PIP5K1A: variants seen among roughly 807,000 people sequenced by gnomAD.
PIP5K1A encodes the protein phosphatidylinositol 4-phosphate 5-kinase type-1 alpha.
PIP5K1A carries 46 observed loss-of-function variants against 72.9 expected under a neutral mutation model. The observed-to-expected ratio is 0.63, with a 90% CI of 0.50 to 0.81. PIP5K1A has a LOEUF of 0.81. Ranked by LOEUF, PIP5K1A falls within the 30% of genes least tolerant of loss-of-function variation. PIP5K1A has a pLI of 0.00. For synonymous variants in PIP5K1A, 228 were observed against 255.1 expected, an observed-to-expected ratio of 0.89 and a Z score of 1.01; for missense variants, 458 against 706.1, an observed-to-expected ratio of 0.65 and a Z score of 3.98.
chr1:151,238,320 C>T (rs1691172466), intron 10 of PIP5K1A, 55 bp downstream of exon 10: 13 of 1,141,418 alleles, frequency 1.1e-5, no homozygotes, highest in South Asian at 2.5e-5. Flanking sequence ...TAACCAGTCA[C>T]GTTTCTCTTT....
At chr1:151,227,977 T>C (rs1040416891) in intron 4 of PIP5K1A, among the ~76,000 whole-genome samples, 1 of 152,192 alleles carries the variant, frequency 6.6e-6, no homozygotes, top group Non-Finnish European at 1.5e-5. Context: ...GGTATAAATA[T>C]GTAACAAGGC....
At chr1:151,239,608 A>G (rs1416152248) in intron 11 of PIP5K1A, among the ~76,000 whole-genome samples, 2 of 151,882 alleles carry the variant, frequency 1.3e-5, no homozygotes, top group African/African-American at 4.8e-5. Context: ...GCTCACTTCA[A>G]CCTCCATCTC....
chr1:151,218,787 C>G (rs1205424376), intron 1 of PIP5K1A, among the ~76,000 whole-genome samples: 2 of 133,892 alleles, frequency 1.5e-5, no homozygotes, highest in Admixed American at 8.4e-5. Flanking sequence ...GAGCTGAGAT[C>G]ACACTACTGC....
intron 10 of PIP5K1A, 45 bp from the exon 11 acceptor site, chr1:151,239,085 T>A: frequency 7.0e-7 from 1 of 1,428,744 alleles, no homozygotes. Flanking sequence ...TTAAGGTCAT[T>A]TATTTAAAAA....
chr1:151,241,123 A>G (rs1167202446), intron 12 of PIP5K1A, among the ~76,000 whole-genome samples: 2 of 152,006 alleles, frequency 1.3e-5, no homozygotes, highest in East Asian at 1.9e-4. Context: ...AGATAGTGCC[A>G]TTGCACTCCA....
At chr1:151,208,464 G>A (rs587695341) in intron 1 of PIP5K1A, among the ~76,000 whole-genome samples, 76 of 149,470 alleles carry the variant, frequency 5.1e-4, no homozygotes, top group African/African-American at 1.8e-3. Context: ...GCTTTCAAGC[G>A]ATTCCCCTGC....
At chr1:151,246,120 G>A (rs767700981) in intron 14 of PIP5K1A, among the ~76,000 whole-genome samples, 7 of 152,178 alleles carry the variant, frequency 4.6e-5, no homozygotes, top group Non-Finnish European at 1.0e-4. Flanking sequence ...GGTGATTTGT[G>A]CCTATAATCC....
chr1:151,206,022 C>G (rs1383846145), intron 1 of PIP5K1A, among the ~76,000 whole-genome samples: 1 of 152,084 alleles, frequency 6.6e-6, no homozygotes, highest in African/African-American at 2.4e-5. Context: ...CCCGTTTCCC[C>G]TATTGCACCT....
chr1:151,197,687 A>G (rs1040163987), upstream of PIP5K1A, among the ~76,000 whole-genome samples: 18 of 152,124 alleles, frequency 1.2e-4, no homozygotes, highest in African/African-American at 4.3e-4. Context: ...TATTCATTCC[A>G]CAGATAATTA....
At position 151,198,755 on chromosome 1, in the gene PIP5K1A, A is replaced by C. The variant is rs587622305; in HGVS notation, c.-242A>C. ...TGAAAGGGGAAAGTATCCCCTGTGGAAAGCGGTTAAACTTGTGGAGGGGGT... is the reference window on the plus strand; with the variant it reads ...TGAAAGGGGAAAGTATCCCCTGTGGCAAGCGGTTAAACTTGTGGAGGGGGT... On this transcript the variant is annotated 5_prime_UTR_variant, in exon 1 of 16. Coordinates refer to ENST00000368888, the MANE Select transcript of PIP5K1A (RefSeq NM_001135638.2). The C allele has an allele frequency of 1.7e-6, 1 of 592,488 alleles. No individual in the cohort carries two copies. The highest frequency in any genetic ancestry group is 1.9e-5 in the African/African-American group (1 of 53,964). The allele number at this position is 592,488 out of a possible 1,614,324, so 36.7% of individuals were successfully genotyped here.
rs587661228 is a variant in PIP5K1A at position 151,223,108 on chromosome 1, T to C, written c.86-1137T>C. ...GCTCACCCCTGTGATCCCAGCACTT[T>C]GGGAGGCCGCGGTGGGTGGATCACC... On this transcript the variant is annotated intron_variant, in intron 1 of 15. Transcript: ENST00000368888. Among the ~76,000 whole-genome samples, 9 of 152,058 alleles carry C rather than the reference T, an allele frequency of 5.9e-5. No individual in the cohort carries two copies. In the South Asian group the frequency reaches 1.9e-3, roughly 32 times the overall value.
chr1:151,234,487 T>C lies in PIP5K1A; in HGVS notation c.930T>C (p.Arg310=), dbSNP rs758453831. ...ACGCTCTCTGTAAGACCCTGCAGCGTGACTGTTTGGTGAGTTTGTTACTTA... is the reference window on the plus strand; with the variant it reads ...ACGCTCTCTGTAAGACCCTGCAGCGCGACTGTTTGGTGAGTTTGTTACTTA... ...MYNALCKTLQ[R]DCLVLQSFKI... The change falls in exon 8 of 16, where the codon CGT becomes CGC. Residue 310 remains arginine, a synonymous_variant. Transcript: ENST00000368888. 1.2e-6 allele frequency: 2 copies of C among 1,613,698 alleles called. No individual in the cohort carries two copies. The highest frequency in any genetic ancestry group is 3.3e-5 in the Admixed American group (2 of 60,004).
intron 1 of PIP5K1A, among the ~76,000 whole-genome samples, chr1:151,209,254 T>C (rs1283663492): frequency 1.3e-5 from 2 of 151,948 alleles, no homozygotes; most frequent in African/African-American, 4.8e-5. Flanking sequence ...TGTTCTATTA[T>C]ATTGTAAGGG....
intron 1 of PIP5K1A, among the ~76,000 whole-genome samples, chr1:151,222,034 C>CAG (rs1383166559): frequency 6.6e-5 from 10 of 152,156 alleles, no homozygotes; most frequent in African/African-American, 2.4e-4. Flanking sequence ...CTGCAGTGAG[C>CAG]AGAGATTGCA....
intron 9 of PIP5K1A, among the ~76,000 whole-genome samples, chr1:151,237,048 A>G (rs1558291558): frequency 6.6e-6 from 1 of 151,786 alleles, no homozygotes; most frequent in Admixed American, 6.6e-5. Flanking sequence ...AAACTAGTCT[A>G]CGAACTCCTG....
upstream of PIP5K1A, among the ~76,000 whole-genome samples, chr1:151,197,280 G>GTTTGT (rs376612351): frequency 3.3e-5 from 5 of 151,076 alleles, no homozygotes; most frequent in African/African-American, 9.7e-5. Context: ...TTTTTTGTTT[G>GTTTGT]TTTGTTTTGT....
chr1:151,231,364 A>G (rs1690041703), intron 4 of PIP5K1A, among the ~76,000 whole-genome samples: 1 of 152,186 alleles, frequency 6.6e-6, no homozygotes, highest in Non-Finnish European at 1.5e-5. Context: ...GTATCTTCCA[A>G]ATACAAATAT....
intron 12 of PIP5K1A, 82 bp from the exon 13 acceptor site, chr1:151,242,041 A>T: frequency 7.0e-7 from 1 of 1,422,958 alleles, no homozygotes; most frequent in African/African-American, 1.4e-5. Context: ...TGTGTTGGGG[A>T]TACTAGCAAT....
At chr1:151,227,298 A>G in intron 3 of PIP5K1A, 22 bp from the exon 4 acceptor site, 4 of 1,518,774 alleles carry the variant, frequency 2.6e-6, no homozygotes, top group Non-Finnish European at 3.7e-6. Flanking sequence ...GAATTGTATT[A>G]TAATCTTGAC....
Sources: gnomAD v4.1 joint callset for allele counts (sites outside exome capture counted in the v4.1 genomes callset) on GRCh38, gnomAD v4.1.1 for gene constraint, MANE v1.5 for transcripts, NCBI Gene and HGNC (gene_info 2026-07-23, HGNC 2026-07-21) for gene names.